Variants in ZNF654 observed in about 807,000 individuals in gnomAD.
ZNF654 encodes melanoma-associated antigen.
In ZNF654, 19 loss-of-function variants were observed where a neutral mutation model predicts 95.3. That is an observed-to-expected ratio of 0.20 (90% confidence interval 0.14 to 0.29). The LOEUF (loss-of-function observed/expected upper bound fraction) is 0.29. Ranked by LOEUF, ZNF654 falls within the 10% of genes least tolerant of loss-of-function variation. The pLI, the probability that ZNF654 is intolerant of heterozygous loss-of-function variation, is 1.00. For synonymous variants in ZNF654, 413 were observed against 457.9 expected, an observed-to-expected ratio of 0.90 and a Z score of 1.25; for missense variants, 1,046 against 1,341.0, an observed-to-expected ratio of 0.78 and a Z score of 3.44.
intron 2 of ZNF654, among the ~76,000 whole-genome samples, chr3:88,103,862 G>A (rs1704580247): frequency 6.7e-6 from 1 of 148,684 alleles, no homozygotes. Context: ...TGCCTCTCGG[G>A]GTCAAGCGAT....
intron 2 of ZNF654, among the ~76,000 whole-genome samples, chr3:88,102,546 A>G (rs924381096): frequency 4.6e-5 from 7 of 152,260 alleles, no homozygotes; most frequent in African/African-American, 1.7e-4. Context: ...AACATGGTTA[A>G]TCTTTTCTCT....
At chr3:88,083,201 A>G (rs896826495) in intron 1 of ZNF654, among the ~76,000 whole-genome samples, 18 of 152,314 alleles carry the variant, frequency 1.2e-4, no homozygotes, top group Middle Eastern at 3.4e-3. Context: ...TAGGGCTTCA[A>G]CAAATGAACT....
At chr3:88,090,077 C>T (rs1453452126) in intron 2 of ZNF654, among the ~76,000 whole-genome samples, 2 of 152,080 alleles carry the variant, frequency 1.3e-5, no homozygotes, top group Non-Finnish European at 2.9e-5. Flanking sequence ...TAATACTTGA[C>T]AGTGATAATT....
At chr3:88,094,973 A>G (rs1218101844) in intron 2 of ZNF654, among the ~76,000 whole-genome samples, 1 of 152,152 alleles carries the variant, frequency 6.6e-6, no homozygotes, top group Non-Finnish European at 1.5e-5. Context: ...ATGAGAAATT[A>G]TCCCAGGATT....
At chr3:88,113,245 C>A in intron 3 of ZNF654, 49 bp downstream of exon 3, 1 of 1,128,304 alleles carries the variant, frequency 8.9e-7, no homozygotes, top group Non-Finnish European at 1.3e-6. Context: ...TAAAATAGAC[C>A]ATTATGCTCC....
rs545034688 is a variant in ZNF654 at position 88,090,116 on chromosome 3, T to A, written c.332+3714T>A. Reference sequence around the variant, plus strand: ...TTATTGATTTATGTACATGCTCTACTTTTTATTGTTATTTTAGAGTGTACC... The same window carrying A: ...TTATTGATTTATGTACATGCTCTACATTTTATTGTTATTTTAGAGTGTACC... On this transcript the variant is annotated intron_variant, in intron 2 of 8. Transcript: ENST00000636215. 2.8e-4 allele frequency among the ~76,000 whole-genome samples: 42 copies of A among 152,350 alleles called. No individual in the cohort carries two copies. The South Asian group carries it at 4.8e-3, about 17-fold the overall frequency.
At chr3:88,092,664 T>TTG (rs1327069445) in intron 2 of ZNF654, among the ~76,000 whole-genome samples, 2 of 152,214 alleles carry the variant, frequency 1.3e-5, no homozygotes, top group African/African-American at 4.8e-5. Flanking sequence ...TTTTATTTGC[T>TTG]TGACATATGA....
chr3:88,077,431 C>A (rs1401185779), intron 1 of ZNF654, among the ~76,000 whole-genome samples: 2 of 151,000 alleles, frequency 1.3e-5, no homozygotes, highest in African/African-American at 2.4e-5. Context: ...CCGCCGGGTT[C>A]ACTCCACTCT....
intron 2 of ZNF654, among the ~76,000 whole-genome samples, chr3:88,111,856 A>G (rs1705108764): frequency 6.6e-6 from 1 of 151,988 alleles, no homozygotes; most frequent in Non-Finnish European, 1.5e-5. Flanking sequence ...ATTTTCATAA[A>G]TATGAGAGGA....
intron 3 of ZNF654, among the ~76,000 whole-genome samples, chr3:88,125,827 A>G (rs971475450): frequency 6.6e-6 from 1 of 152,122 alleles, no homozygotes; most frequent in African/African-American, 2.4e-5. Context: ...TTAACTGAAC[A>G]TTTAAGTTTC....
intron 4 of ZNF654, among the ~76,000 whole-genome samples, chr3:88,126,604 T>A (rs1353997225): frequency 4.5e-4 from 33 of 73,576 alleles, no homozygotes; most frequent in African/African-American, 1.2e-3. Context: ...TTTTTTTTTT[T>A]AAGAAACAAA....
chr3:88,118,073 A>G (rs1453477678), intron 3 of ZNF654, among the ~76,000 whole-genome samples: 1 of 152,162 alleles, frequency 6.6e-6, no homozygotes, highest in Non-Finnish European at 1.5e-5. Context: ...TGAAATGCCA[A>G]CTAAACCAGT....
intron 7 of ZNF654, 60 bp from the exon 8 acceptor site, chr3:88,138,645 A>G: frequency 1.0e-6 from 1 of 1,003,870 alleles, no homozygotes; most frequent in Non-Finnish European, 1.3e-6. Flanking sequence ...TTAAAGATAG[A>G]CTAGTATAAC....
chr3:88,069,744 T>C (rs1302400948), intron 1 of ZNF654, among the ~76,000 whole-genome samples: 1 of 152,208 alleles, frequency 6.6e-6, no homozygotes, highest in African/African-American at 2.4e-5. Context: ...TCTCGTGTAA[T>C]ATATTACACA....
At chr3:88,126,689 A>G (rs1266374872) in intron 4 of ZNF654, among the ~76,000 whole-genome samples, 5 of 149,638 alleles carry the variant, frequency 3.3e-5, no homozygotes, top group Non-Finnish European at 7.4e-5. Context: ...TGGAACTCTG[A>G]ATTTTTGTCA....
chr3:88,123,278 G>A (rs544737817), intron 3 of ZNF654, among the ~76,000 whole-genome samples: 61 of 152,168 alleles, frequency 4.0e-4, no homozygotes, highest in South Asian at 1.2e-3. Context: ...ATCCTGAGCT[G>A]TTTTCCATAA....
At chr3:88,061,940 C>T (rs1452365363) in intron 1 of ZNF654, among the ~76,000 whole-genome samples, 3 of 152,064 alleles carry the variant, frequency 2.0e-5, no homozygotes, top group Non-Finnish European at 2.9e-5. Flanking sequence ...TTATCTTCCT[C>T]TTTTTAGAGG....
intron 2 of ZNF654, among the ~76,000 whole-genome samples, chr3:88,110,074 T>C (rs559842925): frequency 2.6e-5 from 4 of 152,274 alleles, no homozygotes; most frequent in African/African-American, 9.6e-5. Flanking sequence ...GATGGTGACA[T>C]GTTAATAAAT....
chr3:88,135,073 C>T lies in ZNF654; in HGVS notation c.906C>T (p.Phe302=). 7.0e-7 allele frequency: 1 copy of T among 1,425,926 alleles called. No individual in the cohort carries two copies. Among genetic ancestry groups the T allele is most frequent in the Non-Finnish European group, 9.1e-7 (1 of 1,097,070 alleles). 88.3% of individuals were successfully genotyped at this position (1,425,926 alleles called of 1,614,324 possible). ...TTCTCATTTACAGGGAGTTGATTTTCATATGGAGTAAACTACAGCTTAAAT... is the reference window on the plus strand; with the variant it reads ...TTCTCATTTACAGGGAGTTGATTTTTATATGGAGTAAACTACAGCTTAAAT... ...GDMYCIWELI[F]IWSKLQLKSN... is the part of the protein sequence containing the mutation. The change falls in exon 7 of 9, where the codon TTC becomes TTT. Residue 302 remains phenylalanine, a synonymous_variant. Coordinates refer to ENST00000636215, the MANE Select transcript of ZNF654 (RefSeq NM_001350134.2).
Sources: allele counts gnomAD v4.1 joint callset (sites outside exome capture counted in the v4.1 genomes callset), GRCh38; gene constraint gnomAD v4.1.1; transcripts MANE v1.5; gene names NCBI Gene and HGNC (gene_info 2026-07-23, HGNC 2026-07-21).